ZFHX3: variants seen among roughly 807,000 people sequenced by gnomAD.
ZFHX3 encodes zinc finger homeobox protein 3.
In ZFHX3, 42 loss-of-function variants were observed where a neutral mutation model predicts 279.1. The observed-to-expected ratio is 0.15, with a 90% CI of 0.12 to 0.19. The LOEUF is 0.19. Ranked by LOEUF, ZFHX3 falls within the 10% of genes least tolerant of loss-of-function variation. ZFHX3 has a pLI of 1.00. For missense variants in ZFHX3, 4,981 were observed against 4,754.0 expected (o/e 1.05, Z -1.40); for synonymous variants, 2,293 against 1,957.8 (o/e 1.17, Z -4.52).
chr16:73,251,546 G>T (rs541495577), intron 5 of ZFHX3, among the ~76,000 whole-genome samples: 2 of 152,070 alleles, frequency 1.3e-5, no homozygotes, highest in African/African-American at 4.8e-5. Context: ...GGTCTTAGTC[G>T]CTACACCGTG....
rs141433384 is a variant in ZFHX3, at chr16:73,243,233, C to T, written c.-1104+13814G>A. Among the ~76,000 whole-genome samples, 336 of 152,294 alleles carry T rather than the reference C, an allele frequency of 2.2e-3. 1 individual carries two copies. The highest frequency in any genetic ancestry group is 0.01 in the Middle Eastern group (3 of 294). The stretch of plus-strand genomic sequence containing the variant: ...AGGCCTGGTGGGATGGGTGTCCCTT[C>T]GTCCACTTCATCACATAAGAGATAA... On this transcript the variant is annotated intron_variant, in intron 5 of 17. Coordinates refer to the ZFHX3 transcript ENST00000641206.
intron 2 of ZFHX3, among the ~76,000 whole-genome samples, chr16:73,602,803 C>CGTGGT: frequency 1.3e-5 from 2 of 150,516 alleles, no homozygotes; most frequent in Non-Finnish European, 2.9e-5. Flanking sequence ...AAAAATTAGC[C>CGTGGT]GGTCGTGGTA....
intron 3 of ZFHX3, among the ~76,000 whole-genome samples, chr16:73,375,726 C>T (rs910881165): frequency 1.3e-5 from 2 of 152,126 alleles, no homozygotes; most frequent in African/African-American, 2.4e-5. Context: ...AATCTAAATA[C>T]TTATTTGCTT....
chr16:73,159,935 G>A (rs138476154), intron 5 of ZFHX3, among the ~76,000 whole-genome samples: 1,998 of 152,038 alleles, frequency 0.013, 18 homozygotes, highest in Non-Finnish European at 0.022. Flanking sequence ...GCTAATTTTT[G>A]TATTTTTAGT....
chr16:72,938,467 C>A (rs1960237344), intron 3 of ZFHX3, among the ~76,000 whole-genome samples: 1 of 152,204 alleles, frequency 6.6e-6, no homozygotes, highest in African/African-American at 2.4e-5. Flanking sequence ...GAAGAAAGCA[C>A]AGGCCAGGAA....
At chr16:73,772,636 C>T (rs2054031290) in intron 1 of ZFHX3, among the ~76,000 whole-genome samples, 2 of 152,198 alleles carry the variant, frequency 1.3e-5, no homozygotes, top group South Asian at 2.1e-4. Flanking sequence ...TGGATCTTGG[C>T]TGTTTGAATC....
chr16:73,195,087 T>G (rs1968116035), intron 5 of ZFHX3, among the ~76,000 whole-genome samples: 1 of 152,218 alleles, frequency 6.6e-6, no homozygotes, highest in African/African-American at 2.4e-5. Context: ...TTCAAGTCTC[T>G]CCAAATACCT....
At position 73,676,184 on chromosome 16, in the gene ZFHX3, A is replaced by T. The variant is rs79595014; in HGVS notation, c.-1547+3996T>A. Among the ~76,000 whole-genome samples, 200 of 152,214 alleles carry T rather than the reference A, an allele frequency of 1.3e-3. 6 individuals are homozygous for T. In the East Asian group the frequency reaches 0.031, roughly 24 times the overall value. ...AGCAAAAATTTTAAAAGCTAAGTAGAAATTATAAACTGTTTTCTATTATTT... is the reference window on the plus strand; with the variant it reads ...AGCAAAAATTTTAAAAGCTAAGTAGTAATTATAAACTGTTTTCTATTATTT... On this transcript the variant is annotated intron_variant, in intron 2 of 17. Transcript: ENST00000641206.
chr16:72,930,545 G>A (rs1047694845), intron 3 of ZFHX3, among the ~76,000 whole-genome samples: 5 of 152,086 alleles, frequency 3.3e-5, no homozygotes, highest in East Asian at 3.9e-4. Flanking sequence ...AACACAACCC[G>A]CTTGTGACAT....
At chr16:72,897,041 G>A (rs16971380) in intron 3 of ZFHX3, among the ~76,000 whole-genome samples, 10 of 152,114 alleles carry the variant, frequency 6.6e-5, no homozygotes, top group East Asian at 1.9e-4. Flanking sequence ...CAGGAGATGC[G>A]AGGTGCTTCC....
chr16:73,030,821 G>T (rs538907897), intron 1 of ZFHX3, among the ~76,000 whole-genome samples: 1 of 152,286 alleles, frequency 6.6e-6, no homozygotes, highest in South Asian at 2.1e-4. Flanking sequence ...CCTTCTCAGG[G>T]ATTCCATTTT....
intron 2 of ZFHX3, among the ~76,000 whole-genome samples, chr16:73,615,316 G>A (rs1030340902): frequency 5.3e-5 from 8 of 152,078 alleles, no homozygotes; most frequent in South Asian, 2.1e-4. Flanking sequence ...ACAGGGCTTG[G>A]TCAGGGGTAA....
intron 2 of ZFHX3, among the ~76,000 whole-genome samples, chr16:73,656,598 G>A (rs1193696197): frequency 2.0e-5 from 3 of 152,214 alleles, no homozygotes; most frequent in African/African-American, 4.8e-5. Context: ...ACCTTAGTGT[G>A]TGGGGGTGTG....
Position 72,958,827 on chromosome 16 carries a change from T to G in ZFHX3, c.1319A>C (p.Glu440Ala). The G allele has an allele frequency of 6.2e-7, 1 of 1,614,088 alleles. No individual in the cohort carries two copies. Among genetic ancestry groups the G allele is most frequent in the South Asian group, 1.1e-5 (1 of 91,068 alleles). Residue 440 changes from glutamate (E) to alanine (A), a missense_variant, in exon 2 of 10, where the codon GAA (glutamate) becomes GCA (alanine). Around this residue, in one of 7 missense-constraint regions of ZFHX3, gnomAD observed 1,068 missense variants for 935.2 expected, o/e 1.14. Transcript: ENST00000268489. ...SSEGKDSGAA[E>A]GEKQEVGDGD... is the part of the protein sequence containing the mutation. Reference sequence around the variant, plus strand: ...GTCGCCCACTTCCTGCTTCTCTCCTTCTGCCGCCCCAGAGTCCTTGCCCTC... The same window carrying G: ...GTCGCCCACTTCCTGCTTCTCTCCTGCTGCCGCCCCAGAGTCCTTGCCCTC...
intron 1 of ZFHX3, among the ~76,000 whole-genome samples, chr16:73,853,883 A>C (rs1371564831): frequency 1.3e-5 from 2 of 152,166 alleles, no homozygotes; most frequent in Non-Finnish European, 2.9e-5. Context: ...AGATCTTCAC[A>C]AGTGATCCTA....
intron 3 of ZFHX3, among the ~76,000 whole-genome samples, chr16:73,334,810 CTTTTTTTTTTTTTTT>C (rs368597124): frequency 6.9e-5 from 4 of 57,858 alleles, no homozygotes; most frequent in South Asian, 1.4e-3. Context: ...CTTTCTCATT[CTTTTTTTTTTTTTTT>C]TTTTTTTTTT....
rs572284969 is a variant in ZFHX3 at position 73,104,497 on chromosome 16, TG to T, written c.-896-10900del. On this transcript the variant is annotated intron_variant, in intron 7 of 17. Transcript: ENST00000641206. The stretch of plus-strand genomic sequence containing the variant: ...CACCTGCGTCAGCCTCCCAAAGTGC[TG>T]GGATTACAGGCATGAGCCACCATGC... Among the ~76,000 whole-genome samples, 640 of 152,290 alleles carry T rather than the reference TG, an allele frequency of 4.2e-3. 4 individuals carry two copies. Among genetic ancestry groups the T allele is most frequent in the Non-Finnish European group, 6.7e-3 (454 of 68,024 alleles).
intron 1 of ZFHX3, among the ~76,000 whole-genome samples, chr16:73,709,795 G>C (rs1439058849): frequency 6.6e-6 from 1 of 152,010 alleles, no homozygotes; most frequent in Non-Finnish European, 1.5e-5. Context: ...ACGAAAAAAT[G>C]GTAAGTATGT....
rs756686229 is a variant in ZFHX3 at position 72,958,718 on chromosome 16, C to A, written c.1428G>T (p.Glu476Asp). The A allele has an allele frequency of 1.2e-6, 2 of 1,611,786 alleles. No homozygotes were observed. Among genetic ancestry groups the A allele is most frequent in the African/African-American group, 1.3e-5 (1 of 74,824 alleles). Residue 476 changes from glutamate to aspartate, a missense_variant, in exon 2 of 10, where the codon GAG becomes GAT. By Grantham distance (45) the Glu-to-Asp change is conservative. This residue lies in a region of ZFHX3 where 1,068 missense variants were observed against 935.2 expected (regional missense o/e 1.14). Transcript: ENST00000268489. ...EEEEEEAEEE[E>D]EEEEEEEEEE... ...CCTCTTCTTCCTCCTCCTCTTCTTC[C>A]TCCTCCTCCTCCGCCTCTTCCTCCT...
Sources: allele counts gnomAD v4.1 joint callset (sites outside exome capture counted in the v4.1 genomes callset), GRCh38; gene constraint gnomAD v4.1.1; regional missense constraint gnomAD v4.1.1; transcripts MANE v1.5; gene names NCBI Gene and HGNC (gene_info 2026-07-23, HGNC 2026-07-21).